Variants in ZNF560 observed in about 807,000 individuals in gnomAD.
ZNF560 encodes the protein zinc finger protein 560.
A neutral mutation model predicts 81.8 loss-of-function variants in ZNF560; 54 were observed. The ratio of observed to expected loss-of-function variants is 0.66; its 90% confidence interval spans 0.53 to 0.83. ZNF560 has a LOEUF of 0.83. Among genes scored for constraint, ZNF560 ranks in the 40% least tolerant of loss-of-function variants. The probability of loss-of-function intolerance (pLI) is 0.00; values close to 1 mark genes in which losing one functional copy is unlikely to be tolerated. For missense variants in ZNF560, 940 were observed against 932.4 expected (o/e 1.01, Z -0.11); for synonymous variants, 321 against 317.9 (o/e 1.01, Z -0.10).
At chr19:9,462,853 A>G (rs1442002888), downstream of ZNF560, among the ~76,000 whole-genome samples, 1 of 152,210 alleles carries the variant, frequency 6.6e-6, no homozygotes, top group Non-Finnish European at 1.5e-5. Flanking sequence ...GAATTTTCTG[A>G]GTAAGGCAAG....
At chr19:9,474,148 A>G (rs1338873963) in intron 4 of ZNF560, 51 bp downstream of exon 4, 1 of 1,608,446 alleles carries the variant, frequency 6.2e-7, no homozygotes, top group Non-Finnish European at 8.5e-7. Flanking sequence ...CAGCAAGTAC[A>G]CAATGTATAT....
rs1259322529 is a variant in ZNF560 at position 9,467,038 on chromosome 19, AG to A, written c.1908del (p.Phe637LeufsTer7). The A allele has an allele frequency of 1.9e-6, 3 of 1,614,052 alleles. No individual in the cohort carries two copies. The highest frequency in any genetic ancestry group is 2.5e-6 in the Non-Finnish European group (3 of 1,180,018). On this transcript the variant is annotated frameshift_variant, in exon 10 of 10. Transcript: ENST00000301480. LOFTEE classifies it high-confidence loss of function. ...TCAACTAGACTGGAGGAGACAACAA[AG>A]GCTTTCCCACAGTCCTTATATTCAT... ...KPYEYKDCGK[A>X]FVVSSSLVDH...
intron 5 of ZNF560, 24 bp from the exon 6 acceptor site, chr19:9,471,402 G>GA: frequency 8.4e-7 from 1 of 1,190,930 alleles, no homozygotes; most frequent in Non-Finnish European, 1.1e-6. Flanking sequence ...ATAAACTGAG[G>GA]TTTTTTTTTT....
chr19:9,490,639 A>G (rs992295687), intron 2 of ZNF560, among the ~76,000 whole-genome samples: 7 of 152,236 alleles, frequency 4.6e-5, no homozygotes, highest in African/African-American at 1.7e-4. Flanking sequence ...AAATATATAA[A>G]CAAATGAACA....
intron 2 of ZNF560, 114 bp downstream of exon 2, chr19:9,498,014 A>G (rs1017873644): frequency 6.6e-6 from 1 of 152,220 alleles, no homozygotes; most frequent in African/African-American, 2.4e-5. Flanking sequence ...TAATGTGTCA[A>G]TAAAAAATAT....
the ZNF560 span, among the ~76,000 whole-genome samples, chr19:9,449,437 A>T: frequency 6.6e-6 from 1 of 152,166 alleles, no homozygotes; most frequent in Non-Finnish European, 1.5e-5. Context: ...AAATTTAAAA[A>T]TTCTTTGAAA....
At position 9,468,310 on chromosome 19, in the gene ZNF560, G is replaced by C; in HGVS notation, c.637C>G (p.Leu213Val). Residue 213 changes from leucine (L) to valine (V), a missense_variant, in exon 10 of 10, where the codon CTC (leucine) becomes GTC (valine). Leu to Val is a conservative substitution (Grantham distance 32). Coordinates refer to ENST00000301480, the MANE Select transcript of ZNF560 (RefSeq NM_152476.3). ...QLARNQNGEE[L>V]YDCKQCEDVF... ...TCTTCACATTGCTTACAGTCATAGA[G>C]TTCCTCTCCATTTTGGTTTCTTGCC... The C allele has an allele frequency of 1.3e-6, 2 of 1,595,448 alleles. No individual in the cohort carries two copies. Among genetic ancestry groups the C allele is most frequent in the Non-Finnish European group, 1.7e-6 (2 of 1,173,290 alleles).
intron 2 of ZNF560, among the ~76,000 whole-genome samples, chr19:9,483,622 G>C (rs1486877191): frequency 6.7e-6 from 1 of 148,428 alleles, no homozygotes; most frequent in African/African-American, 2.5e-5. Flanking sequence ...CCGTCTGGGA[G>C]GGAGGTGGGG....
At chr19:9,490,134 T>C (rs1383916217) in intron 2 of ZNF560, among the ~76,000 whole-genome samples, 1 of 152,208 alleles carries the variant, frequency 6.6e-6, no homozygotes, top group Admixed American at 6.5e-5. Context: ...ACATGTGATC[T>C]GCACAGCTTC....
At chr19:9,493,934 A>C (rs537231163) in intron 2 of ZNF560, among the ~76,000 whole-genome samples, 1 of 151,554 alleles carries the variant, frequency 6.6e-6, no homozygotes, top group South Asian at 2.1e-4. Flanking sequence ...GGAGTTCCAG[A>C]CCAGCCTGGC....
intron 5 of ZNF560, 65 bp downstream of exon 5, chr19:9,473,114 A>G: frequency 1.5e-6 from 2 of 1,291,608 alleles, no homozygotes; most frequent in Non-Finnish European, 2.3e-6. Flanking sequence ...ACAAGAACAG[A>G]CTAACACAGC....
rs766598863 is a variant in ZNF560, at chr19:9,467,703, G to A, written c.1244C>T (p.Thr415Ile). Residue 415 changes from threonine (T) to isoleucine (I), a missense_variant, in exon 10 of 10, where the codon ACA becomes ATA. Thr to Ile is a moderately conservative substitution (Grantham distance 89). Coordinates refer to ENST00000301480, the MANE Select transcript of ZNF560 (RefSeq NM_152476.3). ...GCKECGKAFGTSAGLIEHIRC... is the reference protein window; with the variant it reads ...GCKECGKAFGISAGLIEHIRC... ...TATATGTTCAATAAGGCCTGCAGAT[G>A]TACCAAAGGCTTTACCACATTCCTT... The A allele has an allele frequency of 3.1e-6, 5 of 1,613,806 alleles. No homozygotes were observed. Among genetic ancestry groups the A allele is most frequent in the Admixed American group, 1.7e-5 (1 of 59,980 alleles).
At chr19:9,454,262 CTGTT>C in the ZNF560 span, among the ~76,000 whole-genome samples, 6 of 152,194 alleles carry the variant, frequency 3.9e-5, no homozygotes, top group African/African-American at 1.2e-4. Context: ...GGGTCAAACT[CTGTT>C]TGAGACCGTC....
At chr19:9,449,996 AAAC>A in the ZNF560 span, among the ~76,000 whole-genome samples, 8 of 115,920 alleles carry the variant, frequency 6.9e-5, no homozygotes, top group Admixed American at 6.0e-4. Flanking sequence ...AAAAAAAAAA[AAAC>A]AACTGAAAAA....
the ZNF560 span, among the ~76,000 whole-genome samples, chr19:9,458,305 C>T: frequency 7.2e-5 from 11 of 152,186 alleles, no homozygotes; most frequent in East Asian, 1.5e-3. Context: ...ATTGGATTCT[C>T]CCTAAAATGA....
chr19:9,475,887 T>TG (rs1389691441), intron 2 of ZNF560, among the ~76,000 whole-genome samples: 1 of 152,126 alleles, frequency 6.6e-6, no homozygotes, highest in African/African-American at 2.4e-5. Context: ...ATTACAGGCA[T>TG]GAGCCACTGC....
At chr19:9,492,400 A>G (rs1032624646) in intron 2 of ZNF560, among the ~76,000 whole-genome samples, 1 of 152,184 alleles carries the variant, frequency 6.6e-6, no homozygotes, top group Non-Finnish European at 1.5e-5. Flanking sequence ...TCCATATAGG[A>G]TTTGTATAGA....
chr19:9,473,056 C>T lies in ZNF560; in HGVS notation c.238+123G>A. 4.9e-6 allele frequency: 4 copies of T among 813,514 alleles called. No homozygotes were observed. The South Asian group carries it at 5.7e-5, about 12-fold the overall frequency. The allele number at this position is 813,514 out of a possible 1,614,324, so 50.4% of individuals were successfully genotyped here. A position where few individuals can be genotyped will look rare whatever the true frequency, so the allele number is the denominator to read the frequency against. The stretch of plus-strand genomic sequence containing the variant: ...TGCAGAATCGTGAGCCAAAATAAAC[C>T]TATTTTCTTAATAAATCACCCAGTC... On this transcript the variant is annotated intron_variant, in intron 5 of 9. Transcript: ENST00000301480.
chr19:9,454,466 C>T, the ZNF560 span, among the ~76,000 whole-genome samples: 196 of 152,264 alleles, frequency 1.3e-3, 1 homozygote, highest in African/African-American at 4.4e-3. Context: ...CATGGAACTA[C>T]GCTGGAGCAC....
Sources: gnomAD v4.1 joint callset for allele counts (sites outside exome capture counted in the v4.1 genomes callset) on GRCh38, gnomAD v4.1.1 for gene constraint, MANE v1.5 for transcripts, NCBI Gene and HGNC (gene_info 2026-07-23, HGNC 2026-07-21) for gene names.